Variants in WSCD2 observed in about 807,000 individuals in gnomAD.
The protein encoded by WSCD2 is WSC domain sialate O sulfotransferase 2, also known as sialate:O-sulfotransferase 2.
WSCD2 carries 28 observed loss-of-function variants against 55.7 expected under a neutral mutation model. The observed-to-expected ratio is 0.50, with a 90% CI of 0.37 to 0.69. The LOEUF is 0.69. Among genes scored for constraint, WSCD2 ranks in the 30% least tolerant of loss-of-function variants. The pLI, the probability that WSCD2 is intolerant of heterozygous loss-of-function variation, is 0.00. For synonymous variants in WSCD2, 301 were observed against 301.9 expected, an observed-to-expected ratio of 1.00 and a Z score of 0.03; for missense variants, 616 against 762.1, an observed-to-expected ratio of 0.81 and a Z score of 2.26.
intron 1 of WSCD2, among the ~76,000 whole-genome samples, chr12:108,176,973 G>T (rs1487559714): frequency 6.6e-6 from 1 of 152,210 alleles, no homozygotes; most frequent in East Asian, 1.9e-4. Flanking sequence ...TTAAAGCACA[G>T]GTTGTTGAGT....
intron 1 of WSCD2, among the ~76,000 whole-genome samples, chr12:108,136,014 C>T (rs1876172069): frequency 6.6e-6 from 1 of 152,178 alleles, no homozygotes; most frequent in South Asian, 2.1e-4. Context: ...CAGCCAGGGT[C>T]CTGAGCTTTG....
chr12:108,140,306 T>C (rs1054229871), intron 1 of WSCD2, among the ~76,000 whole-genome samples: 5 of 152,206 alleles, frequency 3.3e-5, no homozygotes, highest in African/African-American at 9.6e-5. Flanking sequence ...TGGTACAGGT[T>C]ACATAAGTGC....
intron 1 of WSCD2, among the ~76,000 whole-genome samples, chr12:108,150,662 A>G (rs1320861160): frequency 2.0e-5 from 3 of 152,140 alleles, no homozygotes; most frequent in African/African-American, 7.2e-5. Flanking sequence ...GGACCCCGAT[A>G]TGCAGTCGGT....
At position 108,221,123 on chromosome 12, in the gene WSCD2, A is replaced by G. The variant is rs150620440; in HGVS notation, c.683-3616A>G. Among the ~76,000 whole-genome samples the G allele has an allele frequency of 2.5e-3, 378 of 152,218 alleles. 1 individual carries two copies. Among genetic ancestry groups the G allele is most frequent in the African/African-American group, 8.7e-3 (363 of 41,522 alleles). ...AACTCAGCAAATTCAAGTGGAGTGG[A>G]AAGAGGGAGGAAAAGCCAGCATCTG... is the stretch of plus-strand genomic sequence containing the variant. On this transcript the variant is annotated intron_variant, in intron 4 of 8. Transcript: ENST00000547525.
intron 1 of WSCD2, among the ~76,000 whole-genome samples, chr12:108,190,752 C>A (rs1026944274): frequency 6.6e-6 from 1 of 152,176 alleles, no homozygotes; most frequent in Non-Finnish European, 1.5e-5. Context: ...ACAAAGGGGG[C>A]CTCTCAGCCT....
chr12:108,160,360 C>G (rs1019863825), intron 1 of WSCD2, among the ~76,000 whole-genome samples: 31 of 152,148 alleles, frequency 2.0e-4, no homozygotes, highest in Non-Finnish European at 1.2e-4. Flanking sequence ...ATACCTGAGA[C>G]TGGGTAATTT....
chr12:108,143,945 C>A (rs960134034), intron 1 of WSCD2, among the ~76,000 whole-genome samples: 1 of 152,208 alleles, frequency 6.6e-6, no homozygotes, highest in African/African-American at 2.4e-5. Flanking sequence ...GGCAGGAGGA[C>A]TATGGTGAGC....
intron 1 of WSCD2, among the ~76,000 whole-genome samples, chr12:108,194,762 T>C (rs1883667804): frequency 6.6e-6 from 1 of 152,104 alleles, no homozygotes; most frequent in Non-Finnish European, 1.5e-5. Context: ...AAAGAGGGGA[T>C]TTTGCCTCTG....
chr12:108,215,641 C>T (rs990230517), intron 4 of WSCD2, among the ~76,000 whole-genome samples: 3 of 152,172 alleles, frequency 2.0e-5, no homozygotes, highest in African/African-American at 7.2e-5. Context: ...GCTAGGTAGC[C>T]ATTAACAGCT....
At chr12:108,182,393 A>G (rs1341999197) in intron 1 of WSCD2, among the ~76,000 whole-genome samples, 2 of 152,212 alleles carry the variant, frequency 1.3e-5, no homozygotes, top group Non-Finnish European at 2.9e-5. Context: ...AGATCTTAGG[A>G]GCTTAGAAAA....
Position 108,176,922 on chromosome 12 carries a change from G to GA in WSCD2, c.-551-18354dup, listed in dbSNP as rs1358627109. ...ACGTGAAAGCGATTAGAAGTGACTG[G>GA]AAAAAATCAGGTGTGTGGTGGCATC... On this transcript the variant is annotated intron_variant, in intron 1 of 8. Transcript: ENST00000547525. Among the ~76,000 whole-genome samples, 3 of 152,224 alleles carry GA rather than the reference G, an allele frequency of 2.0e-5. No homozygotes were observed. In the East Asian group the frequency reaches 5.8e-4, roughly 29 times the overall value.
chr12:108,213,569 A>C (rs2137116797), intron 4 of WSCD2, among the ~76,000 whole-genome samples: 1 of 152,306 alleles, frequency 6.6e-6, no homozygotes, highest in East Asian at 1.9e-4. Context: ...CAGCTCGATA[A>C]AGGAGGGGAC....
chr12:108,195,916 T>C lies in WSCD2; in HGVS notation c.84T>C (p.Thr28=), dbSNP rs556619353. The change falls in exon 2 of 9, where the codon ACT becomes ACC. Residue 28 remains threonine (T), a synonymous_variant. Transcript: ENST00000547525. ...RFFTFLALYL[T]AGSLVFLHSG... ...TTACCTTCCTGGCACTCTACCTGAC[T>C]GCTGGGAGCCTTGTCTTCCTTCACT... The C allele has an allele frequency of 7.3e-5, 118 of 1,614,184 alleles. 3 individuals are homozygous for C. The South Asian group carries it at 1.2e-3, about 16-fold the overall frequency.
chr12:108,215,843 T>A (rs1487092523), intron 4 of WSCD2, among the ~76,000 whole-genome samples: 4 of 152,194 alleles, frequency 2.6e-5, no homozygotes, highest in African/African-American at 9.7e-5. Context: ...TCAGAGACAC[T>A]TGCAGCTGGT....
chr12:108,246,624 T>C (rs1890103214), intron 8 of WSCD2, among the ~76,000 whole-genome samples: 1 of 152,238 alleles, frequency 6.6e-6, no homozygotes. Context: ...ATAACCTGTC[T>C]TTCAAGTCAG....
At chr12:108,203,575 A>C (rs1884973836) in intron 2 of WSCD2, among the ~76,000 whole-genome samples, 1 of 151,946 alleles carries the variant, frequency 6.6e-6, no homozygotes, top group South Asian at 2.1e-4. Context: ...TGATGGAAAA[A>C]CCTATCTAGA....
intron 1 of WSCD2, among the ~76,000 whole-genome samples, chr12:108,142,034 G>A (rs1204160294): frequency 6.6e-6 from 1 of 152,216 alleles, no homozygotes; most frequent in Non-Finnish European, 1.5e-5. Context: ...GGAGAAAAGA[G>A]TCAACAAATT....
At chr12:108,208,398 A>G (rs1355412910) in intron 3 of WSCD2, among the ~76,000 whole-genome samples, 4 of 152,220 alleles carry the variant, frequency 2.6e-5, no homozygotes, top group African/African-American at 7.2e-5. Flanking sequence ...GACATCAAGT[A>G]TAATGGGTGC....
chr12:108,145,860 C>A (rs1181244602), intron 1 of WSCD2, among the ~76,000 whole-genome samples: 1 of 152,106 alleles, frequency 6.6e-6, no homozygotes, highest in Non-Finnish European at 1.5e-5. Context: ...AGTGAAAAAA[C>A]CAGCTACAAA....
Sources: allele counts gnomAD v4.1 joint callset (sites outside exome capture counted in the v4.1 genomes callset), GRCh38; gene constraint gnomAD v4.1.1; transcripts MANE v1.5; gene names NCBI Gene and HGNC (gene_info 2026-07-23, HGNC 2026-07-21).